Variants in PDE4D observed in about 807,000 individuals in gnomAD.
PDE4D encodes the protein phosphodiesterase 4D.
A neutral mutation model predicts 87.4 loss-of-function variants in PDE4D; 24 were observed. The ratio of observed to expected loss-of-function variants is 0.27; its 90% CI spans 0.20 to 0.39. The LOEUF is 0.39. Ranked by LOEUF, PDE4D falls within the 10% of genes least tolerant of loss-of-function variation. The pLI is 1.00. For synonymous variants in PDE4D, 384 were observed against 383.2 expected (o/e 1.00, Z -0.02); for missense variants, 714 against 1,041.0 (o/e 0.69, Z 4.32).
chr5:59,168,564 G>A (rs1326551437), intron 5 of PDE4D, among the ~76,000 whole-genome samples: 1 of 152,128 alleles, frequency 6.6e-6, no homozygotes, highest in African/African-American at 2.4e-5. Context: ...TTCCCAAAGA[G>A]TTTCTGTGCA....
chr5:59,963,524 A>G (rs1315813798), intron 3 of PDE4D, among the ~76,000 whole-genome samples: 1 of 152,140 alleles, frequency 6.6e-6, no homozygotes, highest in Non-Finnish European at 1.5e-5. Context: ...CAAAATCAGG[A>G]AAACAGCAGA....
At chr5:59,000,997 A>T (rs1750424172) in intron 6 of PDE4D, among the ~76,000 whole-genome samples, 2 of 152,144 alleles carry the variant, frequency 1.3e-5, no homozygotes, top group Admixed American at 6.5e-5. Flanking sequence ...CCAGAACAGA[A>T]CATTTTAATA....
chr5:59,282,038 G>C (rs1006183678), intron 1 of PDE4D, among the ~76,000 whole-genome samples: 1 of 152,090 alleles, frequency 6.6e-6, no homozygotes, highest in Non-Finnish European at 1.5e-5. Flanking sequence ...AACATCTGGT[G>C]TGTGTTTTTA....
intron 1 of PDE4D, among the ~76,000 whole-genome samples, chr5:59,688,394 T>G (rs1306462162): frequency 6.6e-6 from 1 of 152,152 alleles, no homozygotes; most frequent in Admixed American, 6.5e-5. Flanking sequence ...GCAATCAAAC[T>G]AGAATTCAGG....
At chr5:60,164,660 G>A (rs868582707) in intron 2 of PDE4D, among the ~76,000 whole-genome samples, 1 of 152,146 alleles carries the variant, frequency 6.6e-6, no homozygotes, top group Non-Finnish European at 1.5e-5. Flanking sequence ...AGCCAACATG[G>A]AACTGGCAGT....
intron 5 of PDE4D, among the ~76,000 whole-genome samples, chr5:59,114,528 A>T (rs1773242180): frequency 6.6e-6 from 1 of 152,138 alleles, no homozygotes; most frequent in South Asian, 2.1e-4. Flanking sequence ...GTTAAGATGG[A>T]TTTCTATATA....
chr5:60,043,584 T>A (rs1768782857), intron 2 of PDE4D, among the ~76,000 whole-genome samples: 1 of 151,360 alleles, frequency 6.6e-6, no homozygotes, highest in East Asian at 1.9e-4. Context: ...CACATCAGAC[T>A]AACAGTGGAT....
At chr5:59,642,022 A>G (rs1420725455) in intron 1 of PDE4D, among the ~76,000 whole-genome samples, 1 of 152,156 alleles carries the variant, frequency 6.6e-6, no homozygotes, top group Admixed American at 6.5e-5. Flanking sequence ...GTTCATTCTT[A>G]TAAAGGAATC....
intron 2 of PDE4D, among the ~76,000 whole-genome samples, chr5:60,024,850 A>G (rs1766456338): frequency 6.6e-6 from 1 of 152,100 alleles, no homozygotes; most frequent in Non-Finnish European, 1.5e-5. Context: ...AAGGCAAGAG[A>G]GCAAAATCTT....
intron 1 of PDE4D, among the ~76,000 whole-genome samples, chr5:60,282,102 CAAGT>C (rs1276344335): frequency 6.6e-6 from 1 of 151,202 alleles, no homozygotes; most frequent in Non-Finnish European, 1.5e-5. Flanking sequence ...ACATATAAAA[CAAGT>C]AAGTCATTAT....
intron 5 of PDE4D, among the ~76,000 whole-genome samples, chr5:59,141,441 T>C (rs567612498): frequency 3.9e-5 from 6 of 152,178 alleles, no homozygotes; most frequent in Non-Finnish European, 8.8e-5. Context: ...CTATGGACAA[T>C]TTCAGGATCT....
At chr5:60,177,574 A>G (rs1784030830) in intron 2 of PDE4D, among the ~76,000 whole-genome samples, 1 of 152,182 alleles carries the variant, frequency 6.6e-6, no homozygotes, top group Non-Finnish European at 1.5e-5. Flanking sequence ...CAATTTATTA[A>G]TCAGGATCCT....
intron 1 of PDE4D, among the ~76,000 whole-genome samples, chr5:60,392,179 AC>A (rs1442135660): frequency 6.6e-6 from 1 of 152,154 alleles, no homozygotes; most frequent in African/African-American, 2.4e-5. Flanking sequence ...GACCAAAGAT[AC>A]CCTGAGTTTG....
intron 1 of PDE4D, among the ~76,000 whole-genome samples, chr5:59,350,548 G>T (rs572903727): frequency 2.0e-5 from 3 of 152,164 alleles, no homozygotes; most frequent in East Asian, 3.9e-4. Context: ...GCCATGAATC[G>T]GAACACATTT....
At chr5:60,139,282 A>G (rs2061753323) in intron 2 of PDE4D, among the ~76,000 whole-genome samples, 2 of 152,114 alleles carry the variant, frequency 1.3e-5, no homozygotes, top group African/African-American at 4.8e-5. Flanking sequence ...ACAAAATGGC[A>G]ATGCTACACT....
intron 1 of PDE4D, among the ~76,000 whole-genome samples, chr5:60,280,099 A>G (rs1583292499): frequency 6.6e-6 from 1 of 152,136 alleles, no homozygotes; most frequent in East Asian, 1.9e-4. Context: ...AAAAAAGGAG[A>G]GATACTCTAT....
intron 5 of PDE4D, among the ~76,000 whole-genome samples, chr5:59,149,936 A>G (rs1475788522): frequency 1.3e-5 from 2 of 152,084 alleles, no homozygotes; most frequent in African/African-American, 4.8e-5. Flanking sequence ...TAAAATGCAA[A>G]TGCAGAAATT....
At chr5:59,062,892 CACTT>C (rs2153412598) in intron 5 of PDE4D, among the ~76,000 whole-genome samples, 1 of 152,000 alleles carries the variant, frequency 6.6e-6, no homozygotes, top group African/African-American at 2.4e-5. Flanking sequence ...ACATAAGTGA[CACTT>C]ACTATACTTT....
At chr5:60,430,104 T>C in intron 1 of PDE4D, 1 of 524,724 alleles carries the variant, frequency 1.9e-6, no homozygotes, top group East Asian at 5.3e-5. Context: ...CATCTGGAGT[T>C]CCCATCTCCT....
Sources: gnomAD v4.1 joint callset for allele counts (sites outside exome capture counted in the v4.1 genomes callset) on GRCh38, gnomAD v4.1.1 for gene constraint, MANE v1.5 for transcripts, NCBI Gene and HGNC (gene_info 2026-07-23, HGNC 2026-07-21) for gene names.